Variants in FHOD3 observed in about 807,000 individuals in gnomAD.
The protein encoded by FHOD3 is FH1/FH2 domain-containing protein 3.
Under a neutral mutation model 173.0 loss-of-function variants are expected in FHOD3, and 90 were observed. The ratio of observed to expected loss-of-function variants is 0.52; its 90% CI spans 0.44 to 0.62. The LOEUF (loss-of-function observed/expected upper bound fraction) is 0.62, where lower values mean the gene tolerates loss of function less well. Ranked by LOEUF, FHOD3 falls within the 20% of genes least tolerant of loss-of-function variation. The pLI, the probability that FHOD3 is intolerant of heterozygous loss-of-function variation, is 0.00. For synonymous variants in FHOD3, 828 were observed against 823.0 expected, an observed-to-expected ratio of 1.01 and a Z score of -0.10; for missense variants, 1,945 against 2,034.7, an observed-to-expected ratio of 0.96 and a Z score of 0.85.
At chr18:36,597,675 C>T (rs2030686299) in intron 7 of FHOD3, among the ~76,000 whole-genome samples, 1 of 152,208 alleles carries the variant, frequency 6.6e-6, no homozygotes, top group South Asian at 2.1e-4. Flanking sequence ...ATCCACCCGC[C>T]TTGGCCTCCC....
chr18:36,735,642 GT>G (rs113935851), intron 20 of FHOD3, among the ~76,000 whole-genome samples: 19 of 147,538 alleles, frequency 1.3e-4, no homozygotes, highest in African/African-American at 2.0e-4. Context: ...GCTTTAAAAA[GT>G]TTTTTTTTTT....
Position 36,303,995 on chromosome 18 carries a change from TAC to T in FHOD3, c.165+5997_165+5998del, listed in dbSNP as rs1018262048. ...CAGCGCAATCCAGATTGTGAGAAAT[TAC>T]AGTTTCTCCAACAAATAAATTGCAA... On this transcript the variant is annotated intron_variant, in intron 1 of 28. Transcript: ENST00000590592. 3.3e-5 allele frequency among the ~76,000 whole-genome samples: 5 copies of T among 152,252 alleles called. No individual in the cohort carries two copies. In the South Asian group the frequency reaches 6.2e-4, roughly 19 times the overall value.
chr18:36,748,382 AACAC>A (rs532609709), intron 24 of FHOD3, among the ~76,000 whole-genome samples: 9,784 of 143,480 alleles, frequency 0.068, 374 homozygotes, highest in Middle Eastern at 0.1. Flanking sequence ...ACACACACAC[AACAC>A]ACACACACAC....
In FHOD3 at chr18:36,693,311, G is replaced by A. The variant is rs566819168; in HGVS notation, c.2124G>A (p.Ser708=). Residue 708 remains serine, a synonymous_variant, in exon 17 of 29, where the codon TCG becomes TCA. Coordinates refer to ENST00000590592, the MANE Select transcript of FHOD3 (RefSeq NM_001281740.3). ...CCGACCTCTCCTTGGACCTGACCTC[G>A]CCAGCAGCCCCAGCCTGCCTGGCTC... ...GRADLSLDLT[S]PAAPACLAPL... 2.5e-4 allele frequency: 411 copies of A among 1,613,806 alleles called. 4 individuals are homozygous for A. The South Asian group carries it at 4.0e-3, about 16-fold the overall frequency.
intron 18 of FHOD3, among the ~76,000 whole-genome samples, chr18:36,716,168 G>T (rs1486712682): frequency 3.3e-5 from 5 of 152,236 alleles, no homozygotes; most frequent in African/African-American, 4.8e-5. Context: ...TGGCTGTTGG[G>T]GTAAGAACTG....
In FHOD3 at chr18:36,310,697, A is replaced by G. The variant is rs916812830; in HGVS notation, c.165+12697A>G. Among the ~76,000 whole-genome samples the G allele has an allele frequency of 2.2e-4, 34 of 151,842 alleles. 1 individual carries two copies. The highest frequency in any genetic ancestry group is 7.7e-4 in the African/African-American group (32 of 41,304). ...AGTGAGACTCCATCTCAAAAAAAAA[A>G]AAAAGAAAAGAAAAAAAAAAGAAAT... On this transcript the variant is annotated intron_variant, in intron 1 of 28. Coordinates refer to ENST00000590592, the MANE Select transcript of FHOD3 (RefSeq NM_001281740.3).
In FHOD3 at chr18:36,313,522, A is replaced by G. The variant is rs111975878; in HGVS notation, c.165+15522A>G. ...TCCGGAATGCTATATGAATAGAATC[A>G]TTTCGTGTGTAGCCTTTTGAGACTG... On this transcript the variant is annotated intron_variant, in intron 1 of 28. Transcript: ENST00000590592. Among the ~76,000 whole-genome samples, 1,302 of 152,268 alleles carry G rather than the reference A, an allele frequency of 8.6e-3. 20 individuals carry two copies. Among genetic ancestry groups the G allele is most frequent in the African/African-American group, 0.03 (1,233 of 41,536 alleles).
intron 10 of FHOD3, among the ~76,000 whole-genome samples, chr18:36,631,910 C>A (rs1410585274): frequency 1.3e-5 from 2 of 152,108 alleles, no homozygotes; most frequent in African/African-American, 2.4e-5. Flanking sequence ...AAAATTATTG[C>A]TTAATGGTAC....
intron 5 of FHOD3, among the ~76,000 whole-genome samples, chr18:36,520,458 C>T (rs1437251139): frequency 2.0e-5 from 3 of 152,142 alleles, no homozygotes; most frequent in Non-Finnish European, 4.4e-5. Flanking sequence ...CACTTTTTAC[C>T]TACAGAAAGG....
chr18:36,472,348 T>C (rs748907488), intron 3 of FHOD3, among the ~76,000 whole-genome samples: 1 of 152,216 alleles, frequency 6.6e-6, no homozygotes, highest in Admixed American at 6.5e-5. Context: ...AAAAACCAAT[T>C]TGTCTAAGAT....
In FHOD3 at chr18:36,633,094, C is replaced by A. The variant is rs74777815; in HGVS notation, c.1196+7345C>A. On this transcript the variant is annotated intron_variant, in intron 10 of 28. Transcript: ENST00000590592. ...CCCTGCTGGCACTTGGGAGGGGCTG[C>A]GTGTGCACTGTGTTTACTGAAGTTG... Among the ~76,000 whole-genome samples, 776 of 152,294 alleles carry A rather than the reference C, an allele frequency of 5.1e-3. 5 individuals carry two copies. Among genetic ancestry groups the A allele is most frequent in the African/African-American group, 0.016 (661 of 41,576 alleles).
At position 36,730,650 on chromosome 18, in the gene FHOD3, C is replaced by T; in HGVS notation, c.3422C>T (p.Thr1141Ile). The T allele has an allele frequency of 6.2e-7, 1 of 1,611,200 alleles. No individual in the cohort carries two copies. ...TTCTCCTTTTTTATCACTAAGAAAA[C>T]TGCTGCAGATGGAAAAAGGCAAGAG... ...KSKELSVSKK[T>I]AADGKRQEII... The change falls in exon 20 of 29, where the codon ACT becomes ATT. Residue 1141 changes from threonine (T) to isoleucine (I), a missense_variant. By Grantham distance (89) the Thr-to-Ile change is moderately conservative. Transcript: ENST00000590592.
At chr18:36,411,421 A>G (rs949500477) in intron 3 of FHOD3, among the ~76,000 whole-genome samples, 15 of 152,212 alleles carry the variant, frequency 9.9e-5, no homozygotes, top group Non-Finnish European at 1.5e-4. Context: ...TGAGGAATCA[A>G]TTGATTTCTT....
At chr18:36,505,408 A>G (rs1246209500) in intron 4 of FHOD3, among the ~76,000 whole-genome samples, 2 of 152,232 alleles carry the variant, frequency 1.3e-5, no homozygotes, top group Non-Finnish European at 2.9e-5. Context: ...TGTGGAAAGC[A>G]ATGAGCAGAA....
intron 20 of FHOD3, among the ~76,000 whole-genome samples, chr18:36,733,120 C>A (rs976292819): frequency 6.6e-6 from 1 of 152,190 alleles, no homozygotes; most frequent in Non-Finnish European, 1.5e-5. Flanking sequence ...AGTAAACAAG[C>A]TGTTTAGATA....
chr18:36,510,562 T>C (rs2055576403), intron 4 of FHOD3, among the ~76,000 whole-genome samples: 1 of 152,218 alleles, frequency 6.6e-6, no homozygotes, highest in South Asian at 2.1e-4. Flanking sequence ...GAGAGCTTGT[T>C]CTCACTTTTT....
Position 36,457,415 on chromosome 18 carries a change from T to A in FHOD3, c.338-44517T>A, listed in dbSNP as rs147860823. Among the ~76,000 whole-genome samples the A allele has an allele frequency of 5.7e-3, 873 of 152,224 alleles. 5 individuals carry two copies. Among genetic ancestry groups the A allele is most frequent in the Non-Finnish European group, 9.2e-3 (627 of 68,020 alleles). On this transcript the variant is annotated intron_variant, in intron 3 of 28. Transcript: ENST00000590592. ...GGATTGTTCACTGGGAAGAATGCCT[T>A]CAGATATGGTACCAAGCTCTGTAGC...
chr18:36,524,799 A>G (rs1316513245), intron 5 of FHOD3, among the ~76,000 whole-genome samples: 5 of 151,994 alleles, frequency 3.3e-5, no homozygotes, highest in Admixed American at 2.0e-4. Flanking sequence ...TGATTTTTCT[A>G]TGGTTGGGGG....
At chr18:36,571,758 A>G (rs1426425095) in intron 5 of FHOD3, among the ~76,000 whole-genome samples, 2 of 152,262 alleles carry the variant, frequency 1.3e-5, no homozygotes, top group Admixed American at 6.5e-5. Flanking sequence ...GAAAAAGGAC[A>G]GTCTCTTTAA....
Sources: allele counts gnomAD v4.1 joint callset (sites outside exome capture counted in the v4.1 genomes callset), GRCh38; gene constraint gnomAD v4.1.1; transcripts MANE v1.5; gene names NCBI Gene and HGNC (gene_info 2026-07-23, HGNC 2026-07-21).